The following PLXNA4 variants were observed in gnomAD, a reference collection of about 807,000 sequenced individuals.
PLXNA4 encodes the protein plexin A4, also known as plexin-A4.
In PLXNA4, 44 loss-of-function variants were observed where a neutral mutation model predicts 191.8. That is an observed-to-expected ratio of 0.23 (90% CI 0.18 to 0.29). The LOEUF is 0.29. Ranked by LOEUF, PLXNA4 falls within the 10% of genes least tolerant of loss-of-function variation. The probability of loss-of-function intolerance (pLI) is 1.00; values close to 1 mark genes in which losing one functional copy is unlikely to be tolerated. For missense variants in PLXNA4, 1,800 were observed against 2,488.8 expected, an observed-to-expected ratio of 0.72 and a Z score of 5.89; for synonymous variants, 1,082 against 1,009.5, an observed-to-expected ratio of 1.07 and a Z score of -1.36.
chr7:132,562,681 T>TC (rs1302519845), intron 1 of PLXNA4, among the ~76,000 whole-genome samples: 1 of 69,406 alleles, frequency 1.4e-5, no homozygotes, highest in Non-Finnish European at 2.8e-5. Context: ...CTCCTCCTCC[T>TC]CTCCTCCTTT....
intron 3 of PLXNA4, among the ~76,000 whole-genome samples, chr7:132,369,036 A>G (rs191493878): frequency 7.2e-5 from 11 of 152,114 alleles, no homozygotes; most frequent in Non-Finnish European, 1.5e-5. Flanking sequence ...GCACACCTCC[A>G]CATTTGAGTT....
At chr7:132,365,360 T>TGTGTGTGTGTGTGCGC in intron 3 of PLXNA4, among the ~76,000 whole-genome samples, 104 of 128,820 alleles carry the variant, frequency 8.1e-4, no homozygotes, top group South Asian at 2.9e-3. Context: ...TGTGTGTGTG[T>TGTGTGTGTGTGTGCGC]GCGTGCGCGC....
chr7:132,642,595 G>A (rs1371412570), intron 2 of PLXNA4, among the ~76,000 whole-genome samples: 2 of 152,030 alleles, frequency 1.3e-5, no homozygotes, highest in Non-Finnish European at 2.9e-5. Flanking sequence ...AGGGGGGAAC[G>A]ACAGGGCACA....
chr7:132,146,142 G>T (rs60832001), intron 28 of PLXNA4, among the ~76,000 whole-genome samples: 1 of 148,596 alleles, frequency 6.7e-6, no homozygotes, highest in Admixed American at 6.7e-5. Flanking sequence ...ATGGAGCCCC[G>T]ACTTCCCCAA....
At chr7:132,236,177 A>G (rs1200239528) in intron 5 of PLXNA4, among the ~76,000 whole-genome samples, 1 of 152,134 alleles carries the variant, frequency 6.6e-6, no homozygotes, top group Non-Finnish European at 1.5e-5. Context: ...TGCTGCTACA[A>G]ACAGCCCATT....
chr7:132,154,173 G>T lies in PLXNA4; in HGVS notation c.4660+5300C>A, dbSNP rs150233523. On this transcript the variant is annotated intron_variant, in intron 25 of 31. Coordinates refer to ENST00000321063, the MANE Select transcript of PLXNA4 (RefSeq NM_020911.2). Reference sequence around the variant, plus strand: ...GGCCCACTCCACCCTCCAAACCCCGGGCTGAGAAGGAGGCTGTAGGGGGAG... The same window carrying T: ...GGCCCACTCCACCCTCCAAACCCCGTGCTGAGAAGGAGGCTGTAGGGGGAG... Among the ~76,000 whole-genome samples, 305 of 152,224 alleles carry T rather than the reference G, an allele frequency of 2.0e-3. 2 individuals are homozygous for T. The highest frequency in any genetic ancestry group is 6.9e-3 in the African/African-American group (288 of 41,536).
intron 4 of PLXNA4, among the ~76,000 whole-genome samples, chr7:132,258,265 G>A (rs1007864997): frequency 1.3e-5 from 2 of 152,368 alleles, no homozygotes; most frequent in African/African-American, 4.8e-5. Flanking sequence ...GCGGCCGGGG[G>A]CTGAGCAAAG....
At chr7:132,620,197 C>T (rs528690896) in intron 2 of PLXNA4, among the ~76,000 whole-genome samples, 3 of 152,314 alleles carry the variant, frequency 2.0e-5, no homozygotes, top group African/African-American at 7.2e-5. Context: ...ATGACACATT[C>T]AGTATGCACG....
At chr7:132,595,725 C>A (rs1802697858) in intron 2 of PLXNA4, among the ~76,000 whole-genome samples, 1 of 152,138 alleles carries the variant, frequency 6.6e-6, no homozygotes, top group Non-Finnish European at 1.5e-5. Flanking sequence ...AGCTGCCATT[C>A]TTTCTTCCCC....
intron 21 of PLXNA4, among the ~76,000 whole-genome samples, chr7:132,169,308 T>G (rs575690444): frequency 2.6e-5 from 4 of 152,316 alleles, no homozygotes; most frequent in African/African-American, 9.6e-5. Flanking sequence ...CATTGGGAGA[T>G]CTCTGCAAGG....
At position 132,211,066 on chromosome 7, in the gene PLXNA4, C is replaced by T. The variant is rs1360073766; in HGVS notation, c.2175G>A (p.Lys725=). The T allele has an allele frequency of 6.2e-7, 1 of 1,610,640 alleles. No homozygotes were observed. The highest frequency in any genetic ancestry group is 8.5e-7 in the Non-Finnish European group (1 of 1,178,470). Residue 725 remains lysine, a synonymous_variant, in exon 10 of 32, where the codon AAG becomes AAA. Coordinates refer to ENST00000321063, the MANE Select transcript of PLXNA4 (RefSeq NM_020911.2). ...GCCCAGACTGGGGCTGGGGGAGGTT[C>T]TTGGCCTTCAGCGTGATAGGCTTGA... is the stretch of plus-strand genomic sequence containing the variant. The part of the protein sequence containing the change: ...EVIKPITLKA[K]NLPQPQSGQR...
At chr7:132,470,163 AATG>A (rs1390222076) in intron 3 of PLXNA4, among the ~76,000 whole-genome samples, 18 of 152,224 alleles carry the variant, frequency 1.2e-4, no homozygotes, top group Admixed American at 1.2e-3. Context: ...AAATAAAGTC[AATG>A]ACACTGAGAA....
At chr7:132,398,487 G>A (rs182101923) in intron 3 of PLXNA4, among the ~76,000 whole-genome samples, 7 of 152,310 alleles carry the variant, frequency 4.6e-5, no homozygotes, top group East Asian at 1.9e-4. Context: ...TGGAGATGCC[G>A]TCCATGCCCG....
At chr7:132,573,647 G>T (rs1802079189) in intron 1 of PLXNA4, among the ~76,000 whole-genome samples, 1 of 152,116 alleles carries the variant, frequency 6.6e-6, no homozygotes, top group Non-Finnish European at 1.5e-5. Context: ...CGACAGGAAG[G>T]CACAGAGAAG....
At chr7:132,376,206 C>T (rs1194463707) in intron 3 of PLXNA4, among the ~76,000 whole-genome samples, 4 of 152,140 alleles carry the variant, frequency 2.6e-5, no homozygotes, top group Admixed American at 6.5e-5. Flanking sequence ...ACCAGGGATC[C>T]CAGCATTGGC....
intron 1 of PLXNA4, among the ~76,000 whole-genome samples, chr7:132,540,396 C>T (rs35275028): frequency 4.6e-5 from 7 of 152,038 alleles, no homozygotes; most frequent in Non-Finnish European, 1.0e-4. Flanking sequence ...GCAATTGCTT[C>T]AATTGCCCTA....
At position 132,148,557 on chromosome 7, in the gene PLXNA4, G is replaced by A. The variant is rs1466277948; in HGVS notation, c.4750C>T (p.Leu1584=). Residue 1584 remains leucine, a synonymous_variant, in exon 26 of 32, where the codon CTG becomes TTG. Coordinates refer to ENST00000321063, the MANE Select transcript of PLXNA4 (RefSeq NM_020911.2). ...IENDWKRLNT[L]AHYQVPDGSV... ...ATTCCCCTCACCTGGTAGTGGGCCA[G>A]TGTGTTCAGTCGCTTCCAATCATTC... The A allele has an allele frequency of 6.2e-7, 1 of 1,614,010 alleles. No homozygotes were observed. The highest frequency in any genetic ancestry group is 8.5e-7 in the Non-Finnish European group (1 of 1,180,014).
intron 1 of PLXNA4, among the ~76,000 whole-genome samples, chr7:132,535,732 C>T (rs1269053369): frequency 2.6e-5 from 4 of 151,996 alleles, no homozygotes; most frequent in African/African-American, 9.7e-5. Flanking sequence ...ATCCCCTCTG[C>T]AGGCCACACA....
chr7:132,214,432 G>A (rs1489931478), intron 9 of PLXNA4, among the ~76,000 whole-genome samples: 1 of 152,088 alleles, frequency 6.6e-6, no homozygotes, highest in African/African-American at 2.4e-5. Flanking sequence ...GCTGGGCTGG[G>A]CACATTTTCC....
Sources: allele counts gnomAD v4.1 joint callset (sites outside exome capture counted in the v4.1 genomes callset), GRCh38; gene constraint gnomAD v4.1.1; transcripts MANE v1.5; gene names NCBI Gene and HGNC (gene_info 2026-07-23, HGNC 2026-07-21).